INPP5B: variants seen among roughly 807,000 people sequenced by gnomAD.
INPP5B encodes type II inositol 1,4,5-trisphosphate 5-phosphatase.
INPP5B carries 90 observed loss-of-function variants against 118.5 expected under a neutral mutation model. The ratio of observed to expected loss-of-function variants is 0.76; its 90% CI spans 0.64 to 0.90. The LOEUF (loss-of-function observed/expected upper bound fraction) is 0.90, where lower values mean the gene tolerates loss of function less well. INPP5B is among the 40% of genes least tolerant of loss of function. The probability of loss-of-function intolerance (pLI) is 0.00; values close to 1 mark genes in which losing one functional copy is unlikely to be tolerated. For missense variants in INPP5B, 984 were observed against 1,125.6 expected, an observed-to-expected ratio of 0.87 and a Z score of 1.80; for synonymous variants, 385 against 418.9, an observed-to-expected ratio of 0.92 and a Z score of 0.99.
At chr1:37,893,610 C>A (rs1424254292) in intron 7 of INPP5B, among the ~76,000 whole-genome samples, 1 of 152,132 alleles carries the variant, frequency 6.6e-6, no homozygotes, top group Admixed American at 6.6e-5. Context: ...TTTCTCACCC[C>A]ACCCTCTCCA....
chr1:37,922,861 G>A (rs887660878), intron 7 of INPP5B, among the ~76,000 whole-genome samples: 1 of 152,220 alleles, frequency 6.6e-6, no homozygotes. Context: ...AGCTTTCAAG[G>A]AGGAAGACTA....
chr1:37,928,660 T>G (rs952933627), intron 7 of INPP5B: 3 of 152,046 alleles, frequency 2.0e-5, no homozygotes, highest in African/African-American at 7.2e-5. Flanking sequence ...GTGCCTGGCC[T>G]AATTTTTATA....
At chr1:37,863,225 A>T (rs919977395) in intron 23 of INPP5B, among the ~76,000 whole-genome samples, 5 of 151,642 alleles carry the variant, frequency 3.3e-5, no homozygotes, top group Admixed American at 1.3e-4. Flanking sequence ...AAAAAAAAAA[A>T]AAAAAAAAGG....
chr1:37,942,841 G>A (rs901716249), intron 5 of INPP5B, among the ~76,000 whole-genome samples: 170 of 151,496 alleles, frequency 1.1e-3, no homozygotes, highest in African/African-American at 3.8e-3. Context: ...CCTGGGAGGC[G>A]GAGGTTGCAG....
chr1:37,898,386 G>T (rs918141348), intron 7 of INPP5B, among the ~76,000 whole-genome samples: 1 of 152,124 alleles, frequency 6.6e-6, no homozygotes, highest in African/African-American at 2.4e-5. Context: ...AAAACCCACA[G>T]ATTTTTACAA....
intron 6 of INPP5B, among the ~76,000 whole-genome samples, chr1:37,940,331 C>T (rs1019864044): frequency 5.5e-4 from 83 of 152,190 alleles, no homozygotes; most frequent in Non-Finnish European, 7.2e-4. Context: ...ATGGTTCTAG[C>T]TGTGAGTTCT....
In INPP5B at chr1:37,946,313, G is replaced by T. The variant is rs1388100472; in HGVS notation, c.-5C>A. On this transcript the variant is annotated 5_prime_UTR_variant, in exon 2 of 24. Transcript: ENST00000373024. Reference sequence around the variant, plus strand: ...GATTGCCACAGACTGGTCCATGCTGGCCCCTGCTGAGCGCACACACCCTGT... The same window carrying T: ...GATTGCCACAGACTGGTCCATGCTGTCCCCTGCTGAGCGCACACACCCTGT... 6.2e-7 allele frequency: 1 copy of T among 1,610,626 alleles called. No homozygotes were observed. The highest frequency in any genetic ancestry group is 1.3e-5 in the African/African-American group (1 of 74,904).
At chr1:37,875,825 A>G (rs1642765479) in intron 16 of INPP5B, 109 bp from the exon 17 acceptor site, 1 of 709,220 alleles carries the variant, frequency 1.4e-6, no homozygotes, top group East Asian at 2.7e-5. Context: ...AGCAACACAG[A>G]AAACAAAGGC....
At chr1:37,909,285 T>C (rs1250813455) in intron 7 of INPP5B, among the ~76,000 whole-genome samples, 2 of 152,136 alleles carry the variant, frequency 1.3e-5, no homozygotes, top group Admixed American at 1.3e-4. Flanking sequence ...ATCCTCCTTT[T>C]CTACAGACCC....
chr1:37,923,573 C>T (rs888702080), intron 7 of INPP5B, among the ~76,000 whole-genome samples: 2 of 151,834 alleles, frequency 1.3e-5, no homozygotes, highest in Non-Finnish European at 2.9e-5. Context: ...AAGAAGACTA[C>T]TGCAACAGTT....
intron 2 of INPP5B, 95 bp downstream of exon 2, chr1:37,946,157 G>T (rs1405989938): frequency 1.7e-6 from 2 of 1,178,630 alleles, no homozygotes; most frequent in African/African-American, 1.5e-5. Context: ...TGATGGTTCA[G>T]AGGGGCAGGA....
At chr1:37,875,163 A>C (rs2148472870) in intron 17 of INPP5B, among the ~76,000 whole-genome samples, 1 of 152,362 alleles carries the variant, frequency 6.6e-6, no homozygotes, top group Non-Finnish European at 1.5e-5. Flanking sequence ...TTTATCGAAA[A>C]GCAGTCTATC....
At chr1:37,895,662 G>A (rs1210486092) in intron 7 of INPP5B, among the ~76,000 whole-genome samples, 10 of 152,048 alleles carry the variant, frequency 6.6e-5, no homozygotes, top group South Asian at 2.1e-4. Context: ...GCAGGCGCGC[G>A]CCGCCACGCC....
At chr1:37,870,947 G>A (rs141331252) in intron 19 of INPP5B, among the ~76,000 whole-genome samples, 2 of 152,244 alleles carry the variant, frequency 1.3e-5, no homozygotes, top group African/African-American at 4.8e-5. Context: ...CTGAGGTCAG[G>A]AGTTCGAGAC....
At chr1:37,866,912 A>T (rs1244289610) in intron 20 of INPP5B, among the ~76,000 whole-genome samples, 1 of 152,246 alleles carries the variant, frequency 6.6e-6, no homozygotes, top group Non-Finnish European at 1.5e-5. Context: ...GAACGCTAAC[A>T]AGGCACCTCA....
chr1:37,903,767 G>A (rs897907383), intron 7 of INPP5B, among the ~76,000 whole-genome samples: 2 of 152,008 alleles, frequency 1.3e-5, no homozygotes, highest in Non-Finnish European at 2.9e-5. Flanking sequence ...GTGCATGCCT[G>A]TAATCTCAGC....
At chr1:37,936,014 C>T (rs551036820) in intron 6 of INPP5B, among the ~76,000 whole-genome samples, 4 of 152,022 alleles carry the variant, frequency 2.6e-5, no homozygotes, top group African/African-American at 4.8e-5. Flanking sequence ...TGCAGTAAGC[C>T]GAGATCACGC....
intron 1 of INPP5B, 21 bp from the exon 2 acceptor site, chr1:37,946,355 GC>G (rs1646112082): frequency 6.3e-7 from 1 of 1,577,958 alleles, no homozygotes. Flanking sequence ...GGAGATAGGA[GC>G]CCCGCTTTGG....
At chr1:37,925,151 G>C (rs1645182835) in intron 7 of INPP5B, among the ~76,000 whole-genome samples, 1 of 151,948 alleles carries the variant, frequency 6.6e-6, no homozygotes, top group Non-Finnish European at 1.5e-5. Context: ...TCCAGCCTGG[G>C]TGACAGAGTG....
Sources: allele counts gnomAD v4.1 joint callset (sites outside exome capture counted in the v4.1 genomes callset), GRCh38; gene constraint gnomAD v4.1.1; transcripts MANE v1.5; gene names NCBI Gene and HGNC (gene_info 2026-07-23, HGNC 2026-07-21).